The following MAP3K13 variants were observed in gnomAD, a reference collection of about 807,000 sequenced individuals.
MAP3K13 encodes the protein mitogen-activated protein kinase kinase kinase 13, also known as leucine zipper-bearing kinase.
MAP3K13 carries 52 observed loss-of-function variants against 104.0 expected under a neutral mutation model. The observed-to-expected ratio is 0.50, with a 90% CI of 0.40 to 0.63. The LOEUF (loss-of-function observed/expected upper bound fraction) is 0.63. MAP3K13 is among the 20% of genes least tolerant of loss of function. The pLI is 0.00. For synonymous variants in MAP3K13, 394 were observed against 442.2 expected (o/e 0.89, Z 1.37); for missense variants, 914 against 1,218.5 (o/e 0.75, Z 3.72).
intron 2 of MAP3K13, among the ~76,000 whole-genome samples, chr3:185,357,296 AAAT>A (rs1024476176): frequency 6.6e-6 from 1 of 151,854 alleles, no homozygotes; most frequent in African/African-American, 2.4e-5. Context: ...AATACAAAAA[AAAT>A]TAGCTGCATG....
chr3:185,428,633 T>C lies in MAP3K13; in HGVS notation c.52T>C (p.Phe18Leu). ...CTGCTCCTCTTCTCCACACTTACCC[T>C]TCAGTGAAAGCAAAACCTTCAATGG... ...LSCSSSPHLPFSESKTFNGLQ... is the reference protein window; with the variant it reads ...LSCSSSPHLPLSESKTFNGLQ... Residue 18 changes from phenylalanine to leucine, a missense_variant, in exon 2 of 14, where the codon TTC (phenylalanine) becomes CTC (leucine). This residue lies in a region of MAP3K13 where 156 missense variants were observed against 159.8 expected (regional missense o/e 0.98). Transcript: ENST00000265026. 1 of 1,613,222 alleles carries C rather than the reference T, an allele frequency of 6.2e-7. No individual in the cohort carries two copies. Among genetic ancestry groups the C allele is most frequent in the Non-Finnish European group, 8.5e-7 (1 of 1,179,428 alleles).
rs372232637 is a variant in MAP3K13 at position 185,442,813 on chromosome 3, G to A, written c.660-632G>A. Among the ~76,000 whole-genome samples, 27 of 151,756 alleles carry A rather than the reference G, an allele frequency of 1.8e-4. No homozygotes were observed. The East Asian group carries it at 3.9e-3, about 22-fold the overall frequency. ...CTCCCAAAGTGTTGGGATTACAAGC[G>A]TGAGCCACCGCGGCCTGGCCAAATT... On this transcript the variant is annotated intron_variant, in intron 3 of 13. Transcript: ENST00000265026.
chr3:185,362,164 G>A (rs1723653695), upstream of MAP3K13, among the ~76,000 whole-genome samples: 1 of 152,170 alleles, frequency 6.6e-6, no homozygotes, highest in Non-Finnish European at 1.5e-5. Context: ...TAGTTTCAAG[G>A]ATTGAGGCCA....
chr3:185,389,546 G>A (rs574207515), intron 1 of MAP3K13, among the ~76,000 whole-genome samples: 5 of 151,494 alleles, frequency 3.3e-5, no homozygotes, highest in Non-Finnish European at 7.4e-5. Flanking sequence ...GATACCTGGG[G>A]GAAATTTTTT....
intron 1 of MAP3K13, among the ~76,000 whole-genome samples, chr3:185,397,006 T>G (rs1048917396): frequency 2.0e-5 from 3 of 151,084 alleles, no homozygotes; most frequent in African/African-American, 7.3e-5. Flanking sequence ...AGGATGACAT[T>G]TCATCCCCTG....
chr3:185,455,713 T>TAA, intron 7 of MAP3K13, among the ~76,000 whole-genome samples: 1 of 12,842 alleles, frequency 7.8e-5, no homozygotes, highest in Non-Finnish European at 2.3e-4. Context: ...GAGATATATA[T>TAA]GAGATATATA....
rs554448630 is a variant in MAP3K13 at position 185,364,841 on chromosome 3, G to A, written c.-86+1473G>A. ...TTTTTATTTTCTGGGTTTAACAAAT[G>A]AGATAACATTTTAGACATAATATTT... On this transcript the variant is annotated intron_variant, in intron 1 of 13. Coordinates refer to ENST00000265026, the MANE Select transcript of MAP3K13 (RefSeq NM_004721.5). Among the ~76,000 whole-genome samples the A allele has an allele frequency of 4.6e-5, 7 of 152,274 alleles. No individual in the cohort carries two copies. The Middle Eastern group carries it at 0.01, about 222-fold the overall frequency.
At chr3:185,292,303 TAA>T (rs754183268) in intron 2 of MAP3K13, 14 of 135,616 alleles carry the variant, frequency 1.0e-4, no homozygotes, top group Admixed American at 3.0e-4. Flanking sequence ...AGACTCCGTC[TAA>T]AAAAAAAAAA....
intron 11 of MAP3K13, chr3:185,477,081 C>T: frequency 1.6e-6 from 1 of 622,042 alleles, no homozygotes; most frequent in Non-Finnish European, 3.0e-6. Flanking sequence ...TCTCTGAGGA[C>T]AAAGAAAATT....
At chr3:185,334,617 C>CT (rs1178965206) in intron 2 of MAP3K13, among the ~76,000 whole-genome samples, 1 of 126,894 alleles carries the variant, frequency 7.9e-6, no homozygotes, top group African/African-American at 2.9e-5. Flanking sequence ...TTTTTTTTTT[C>CT]TTTTTTTCTT....
chr3:185,418,733 C>G lies in MAP3K13; in HGVS notation c.-85-9764C>G. The G allele has an allele frequency of 1.2e-6, 2 of 1,610,212 alleles. No homozygotes were observed. The highest frequency in any genetic ancestry group is 4.5e-5 in the East Asian group (2 of 44,832). ...TAAGTGACATTTTTGCCAGATGACTCCCCCTTTTCGGAGTACACCGATATC... is the reference window on the plus strand; with the variant it reads ...TAAGTGACATTTTTGCCAGATGACTGCCCCTTTTCGGAGTACACCGATATC... On this transcript the variant is annotated intron_variant, in intron 1 of 13. Transcript: ENST00000265026. This position sits in a 1 kb window ranked among gnomAD's most constrained non-coding sequence, Gnocchi z 4.5.
intron 2 of MAP3K13, among the ~76,000 whole-genome samples, chr3:185,430,554 T>C (rs1156277929): frequency 6.6e-6 from 1 of 152,202 alleles, no homozygotes; most frequent in Non-Finnish European, 1.5e-5. Flanking sequence ...ATGTGATATT[T>C]GGTTTTCTGT....
At chr3:185,455,594 A>ACATATAT (rs1283372307) in intron 7 of MAP3K13, among the ~76,000 whole-genome samples, 1 of 11,758 alleles carries the variant, frequency 8.5e-5, no homozygotes, top group African/African-American at 1.5e-4. Flanking sequence ...GATATATATG[A>ACATATAT]GATATATATA....
intron 1 of MAP3K13, among the ~76,000 whole-genome samples, chr3:185,402,757 C>A (rs910856184): frequency 6.6e-6 from 1 of 152,060 alleles, no homozygotes; most frequent in African/African-American, 2.4e-5. Context: ...TGTAAAAAAC[C>A]CAGCCCTGAT....
At chr3:185,463,745 T>C in intron 8 of MAP3K13, 86 bp downstream of exon 8, 1 of 751,486 alleles carries the variant, frequency 1.3e-6, no homozygotes, top group Non-Finnish European at 2.4e-6. Flanking sequence ...ACCATTTCAC[T>C]TTCCACACAC....
intron 1 of MAP3K13, among the ~76,000 whole-genome samples, chr3:185,408,844 T>C (rs1013317193): frequency 1.1e-4 from 16 of 152,302 alleles, no homozygotes; most frequent in African/African-American, 3.6e-4. Context: ...ACGATCTGAT[T>C]TATTACAGTC....
Position 185,319,881 on chromosome 3 carries a change from C to A in MAP3K13, c.-86+34238C>A, listed in dbSNP as rs150880328. ...ACAGCAGAGAGTTGTAGGTAGTAGG[C>A]AATGTTAAAAAGTGACAACATGCCC... On this transcript the variant is annotated intron_variant, in intron 2 of 14. Transcript: ENST00000424227. 3.9e-3 allele frequency among the ~76,000 whole-genome samples: 587 copies of A among 152,188 alleles called. 1 individual carries two copies. Among genetic ancestry groups the A allele is most frequent in the Middle Eastern group, 0.014 (4 of 294 alleles).
chr3:185,372,794 CA>C (rs1421789454), intron 1 of MAP3K13, among the ~76,000 whole-genome samples: 4 of 152,068 alleles, frequency 2.6e-5, no homozygotes, highest in African/African-American at 9.7e-5. Flanking sequence ...AGACTTTGAC[CA>C]TATCTGAAAC....
At chr3:185,367,830 A>G (rs1723962099) in intron 1 of MAP3K13, among the ~76,000 whole-genome samples, 1 of 152,216 alleles carries the variant, frequency 6.6e-6, no homozygotes, top group Non-Finnish European at 1.5e-5. Flanking sequence ...TCCTGTGCTC[A>G]AGTGATCCTC....
Sources: gnomAD v4.1 joint callset for allele counts (sites outside exome capture counted in the v4.1 genomes callset) on GRCh38, gnomAD v4.1.1 for gene constraint, gnomAD v4.1.1 regional missense constraint, Gnocchi (gnomAD v3.1) non-coding constraint, MANE v1.5 for transcripts, NCBI Gene and HGNC (gene_info 2026-07-23, HGNC 2026-07-21) for gene names.